The following AGBL1 variants were observed in gnomAD, a reference collection of about 807,000 sequenced individuals.
AGBL1 encodes the protein AGBL carboxypeptidase 1, also known as cytosolic carboxypeptidase 4.
In AGBL1, 130 loss-of-function variants were observed where a neutral mutation model predicts 118.9. The ratio of observed to expected loss-of-function variants is 1.09; its 90% CI spans 0.95 to 1.26. The LOEUF (loss-of-function observed/expected upper bound fraction) is 1.26, where lower values mean the gene tolerates loss of function less well. Among genes scored for constraint, AGBL1 ranks in the 50% most tolerant of loss-of-function variants. The pLI, the probability that AGBL1 is intolerant of heterozygous loss-of-function variation, is 0.00. For missense variants in AGBL1, 1,584 were observed against 1,298.1 expected (o/e 1.22, Z -3.38); for synonymous variants, 555 against 478.9 (o/e 1.16, Z -2.08).
chr15:86,146,490 C>G (rs1195435343), intron 3 of AGBL1, among the ~76,000 whole-genome samples: 1 of 152,188 alleles, frequency 6.6e-6, no homozygotes, highest in Non-Finnish European at 1.5e-5. Context: ...TGAGGGATGA[C>G]TCTACTTAAT....
chr15:86,191,958 AG>A (rs917446688), intron 5 of AGBL1, among the ~76,000 whole-genome samples: 6 of 150,996 alleles, frequency 4.0e-5, no homozygotes, highest in African/African-American at 1.5e-4. Context: ...AAAATTAGCT[AG>A]GTGTAATGGC....
At chr15:86,816,856 A>AT (rs368832970) in intron 22 of AGBL1, among the ~76,000 whole-genome samples, 1 of 148,294 alleles carries the variant, frequency 6.7e-6, no homozygotes, top group East Asian at 1.9e-4. Context: ...TTATCTAAAT[A>AT]TTTTTTTTCC....
At chr15:86,813,153 A>C (rs1242300045) in intron 22 of AGBL1, among the ~76,000 whole-genome samples, 3 of 151,910 alleles carry the variant, frequency 2.0e-5, no homozygotes, top group Non-Finnish European at 4.4e-5. Flanking sequence ...CCTCGAACAC[A>C]TGGGACCTTC....
Position 87,003,557 on chromosome 15 carries a change from C to T in AGBL1, c.3323+15469C>T, listed in dbSNP as rs146257315. On this transcript the variant is annotated intron_variant, in intron 24 of 24. Transcript: ENST00000441037. ...GAATAGTTTCAGAAGGAATGGTACCCGCTCCTCCTTGTACCTCTAGTAGAA... is the reference window on the plus strand; with the variant it reads ...GAATAGTTTCAGAAGGAATGGTACCTGCTCCTCCTTGTACCTCTAGTAGAA... Among the ~76,000 whole-genome samples, 35 of 152,024 alleles carry T rather than the reference C, an allele frequency of 2.3e-4. No individual in the cohort carries two copies. The South Asian group carries it at 4.0e-3, about 17-fold the overall frequency.
chr15:86,444,757 C>G (rs1406835466), intron 18 of AGBL1, among the ~76,000 whole-genome samples: 3 of 152,042 alleles, frequency 2.0e-5, no homozygotes, highest in Non-Finnish European at 4.4e-5. Flanking sequence ...CCTTTGCAGT[C>G]AAAAGACCGG....
chr15:86,411,402 T>C (rs930705301), intron 18 of AGBL1, among the ~76,000 whole-genome samples: 10 of 152,080 alleles, frequency 6.6e-5, no homozygotes, highest in Non-Finnish European at 1.3e-4. Flanking sequence ...AGCCTTCTGC[T>C]CTCTGTTCTG....
chr15:86,975,656 A>G (rs1032966737), intron 23 of AGBL1, among the ~76,000 whole-genome samples: 1 of 152,192 alleles, frequency 6.6e-6, no homozygotes, highest in East Asian at 1.9e-4. Context: ...CTCCCTCCTG[A>G]CACAGTGGAC....
chr15:86,817,595 G>C (rs889921995), intron 22 of AGBL1, among the ~76,000 whole-genome samples: 3 of 112,128 alleles, frequency 2.7e-5, no homozygotes, highest in African/African-American at 3.8e-5. Flanking sequence ...CACACACACA[G>C]AGGAGAGAGA....
chr15:86,709,182 T>A (rs2086509606), intron 22 of AGBL1, among the ~76,000 whole-genome samples: 2 of 152,176 alleles, frequency 1.3e-5, no homozygotes, highest in Non-Finnish European at 1.5e-5. Flanking sequence ...GTACTCATCA[T>A]CTGAAGACAG....
chr15:86,254,006 G>A (rs187181910), intron 7 of AGBL1, among the ~76,000 whole-genome samples: 1 of 152,336 alleles, frequency 6.6e-6, no homozygotes, highest in African/African-American at 2.4e-5. Flanking sequence ...GTTGATAGGA[G>A]TGTAGGCAGG....
chr15:86,951,081 A>G (rs2080876492), intron 23 of AGBL1, among the ~76,000 whole-genome samples: 1 of 152,176 alleles, frequency 6.6e-6, no homozygotes, highest in Non-Finnish European at 1.5e-5. Flanking sequence ...TAATTTTTAG[A>G]GAGACACCCT....
intron 24 of AGBL1, among the ~76,000 whole-genome samples, chr15:86,998,611 T>A (rs2081401750): frequency 6.6e-6 from 1 of 152,220 alleles, no homozygotes; most frequent in Non-Finnish European, 1.5e-5. Context: ...ATAAGTTTGT[T>A]AATTTGTTAT....
intron 20 of AGBL1, among the ~76,000 whole-genome samples, chr15:86,552,243 G>A (rs1408256538): frequency 6.6e-6 from 1 of 152,102 alleles, no homozygotes. Flanking sequence ...GGAGTGGGGG[G>A]CATATGGGAA....
chr15:86,112,932 GTTTTAC>G (rs1897486751), intron 1 of AGBL1, among the ~76,000 whole-genome samples: 1 of 152,116 alleles, frequency 6.6e-6, no homozygotes, highest in African/African-American at 2.4e-5. Flanking sequence ...GTAAGGGAAA[GTTTTAC>G]TTTAGGAAAA....
At chr15:86,725,615 T>C (rs1293929780) in intron 22 of AGBL1, among the ~76,000 whole-genome samples, 2 of 152,192 alleles carry the variant, frequency 1.3e-5, no homozygotes, top group African/African-American at 2.4e-5. Flanking sequence ...TGTGTGGCAA[T>C]TTTTCCCATG....
intron 5 of AGBL1, among the ~76,000 whole-genome samples, chr15:86,179,740 A>G (rs531922597): frequency 6.6e-6 from 1 of 152,312 alleles, no homozygotes; most frequent in Non-Finnish European, 1.5e-5. Flanking sequence ...AAAGACATCC[A>G]TCTGGGTAAA....
chr15:86,238,787 C>T (rs12907438), intron 6 of AGBL1, among the ~76,000 whole-genome samples: 34,893 of 152,056 alleles, frequency 0.23, 4,956 homozygotes, highest in Middle Eastern at 0.33. Context: ...AGTCTTGTGG[C>T]GCCTTCTATG....
At chr15:86,317,408 GAGAA>G (rs1033402577) in intron 17 of AGBL1, among the ~76,000 whole-genome samples, 4 of 152,208 alleles carry the variant, frequency 2.6e-5, no homozygotes, top group African/African-American at 9.6e-5. Context: ...GAAGCAATGA[GAGAA>G]AGGAAGAATC....
At chr15:86,296,067 T>A (rs1017785510) in intron 17 of AGBL1, 1 of 152,254 alleles carries the variant, frequency 6.6e-6, no homozygotes, top group Non-Finnish European at 1.5e-5. Flanking sequence ...TATACACAGA[T>A]GTGTATACAC....
Sources: gnomAD v4.1 joint callset for allele counts (sites outside exome capture counted in the v4.1 genomes callset) on GRCh38, gnomAD v4.1.1 for gene constraint, MANE v1.5 for transcripts, NCBI Gene and HGNC (gene_info 2026-07-23, HGNC 2026-07-21) for gene names.